MILR1: variants seen among roughly 807,000 people sequenced by gnomAD.
The protein encoded by MILR1 is allergin-1.
MILR1 carries 31 observed loss-of-function variants against 18.5 expected under a neutral mutation model. That is an observed-to-expected ratio of 1.68 (90% CI 1.26 to 2.26). The LOEUF (loss-of-function observed/expected upper bound fraction) is 2.26. MILR1 is among the 30% of genes most tolerant of loss of function. The probability of loss-of-function intolerance (pLI) is 0.00; values close to 1 mark genes in which losing one functional copy is unlikely to be tolerated. For missense variants in MILR1, 257 were observed against 157.4 expected, an observed-to-expected ratio of 1.63 and a Z score of -3.38; for synonymous variants, 85 against 56.2, an observed-to-expected ratio of 1.51 and a Z score of -2.30.
At chr17:64,488,647 C>T in the MILR1 span, among the ~76,000 whole-genome samples, 28,382 of 152,176 alleles carry the variant, frequency 0.19, 6,750 homozygotes, top group African/African-American at 0.56. Flanking sequence ...TGATAATAAC[C>T]AATAAGTTTC....
chr17:64,476,496 A>T, the MILR1 span, among the ~76,000 whole-genome samples: 1 of 152,166 alleles, frequency 6.6e-6, no homozygotes, highest in Admixed American at 6.6e-5. Flanking sequence ...CCTGGGCCAC[A>T]TAGTGAGACC....
chr17:64,491,520 A>G, the MILR1 span: 16 of 1,525,640 alleles, frequency 1.0e-5, no homozygotes, highest in Admixed American at 2.7e-4. Flanking sequence ...TAAAAAAACC[A>G]AGATGGAGTC....
In MILR1 at chr17:64,468,298, T is replaced by C. The variant is rs1211698738; in HGVS notation, c.*29-12T>C. The C allele has an allele frequency of 1.1e-5, 5 of 454,942 alleles. No homozygotes were observed. The highest frequency in any genetic ancestry group is 1.8e-5 in the Non-Finnish European group (4 of 226,452). 28.2% of individuals were successfully genotyped at this position (454,942 alleles called of 1,614,324 possible). Reference sequence around the variant, plus strand: ...TTATATTCTCTCTTGTCTCTCTCTTTTTTTTTTTGAGATGGAGTCTCACTC... The same window carrying C: ...TTATATTCTCTCTTGTCTCTCTCTTCTTTTTTTTGAGATGGAGTCTCACTC... On this transcript the variant is annotated splice_polypyrimidine_tract_variant and intron_variant, in intron 9 of 9. Coordinates refer to ENST00000619286, the MANE Select transcript of MILR1 (RefSeq NM_001085423.2).
chr17:64,484,780 A>G, the MILR1 span, among the ~76,000 whole-genome samples: 5 of 152,224 alleles, frequency 3.3e-5, no homozygotes, highest in African/African-American at 1.2e-4. Context: ...TGGTTATAGC[A>G]GGCTAAATGA....
chr17:64,477,762 T>TTA, the MILR1 span: 1 of 1,462,116 alleles, frequency 6.8e-7, no homozygotes, highest in Non-Finnish European at 9.1e-7. Flanking sequence ...GAAATAAATC[T>TTA]AAGTGAACAT....
chr17:64,493,523 C>T, the MILR1 span, among the ~76,000 whole-genome samples: 1 of 151,848 alleles, frequency 6.6e-6, no homozygotes. Context: ...CTCGCTCTGT[C>T]GCCCAGGCTG....
intron 4 of MILR1, 136 bp from the exon 5 acceptor site, chr17:64,460,686 T>A (rs933788715): frequency 3.6e-5 from 14 of 390,022 alleles, no homozygotes; most frequent in Non-Finnish European, 4.7e-5. Flanking sequence ...GTTTTAGATG[T>A]CATGACCATT....
At chr17:64,477,008 CAT>C in the MILR1 span, among the ~76,000 whole-genome samples, 3 of 152,058 alleles carry the variant, frequency 2.0e-5, no homozygotes, top group African/African-American at 2.4e-5. Context: ...TTCTTATAAA[CAT>C]AGATATTAGA....
intron 3 of MILR1, among the ~76,000 whole-genome samples, chr17:64,454,315 C>T (rs1445065019): frequency 5.9e-5 from 9 of 152,176 alleles, no homozygotes; most frequent in Non-Finnish European, 1.0e-4. Context: ...CAGCCTCAAA[C>T]TCCTGTTCTT....
At chr17:64,478,049 G>T in the MILR1 span, 1 of 1,554,588 alleles carries the variant, frequency 6.4e-7, no homozygotes, top group South Asian at 1.1e-5. Context: ...ATTCCTCCAC[G>T]TTGCCAGCTG....
intron 4 of MILR1, among the ~76,000 whole-genome samples, chr17:64,459,761 C>T (rs2037381147): frequency 6.6e-6 from 1 of 152,152 alleles, no homozygotes; most frequent in Non-Finnish European, 1.5e-5. Context: ...AGTGTCTGGC[C>T]TGCAGCTAAA....
the MILR1 span, chr17:64,490,960 T>G: frequency 6.2e-7 from 1 of 1,613,366 alleles, no homozygotes. Flanking sequence ...TTAGATGGAC[T>G]CATGGCAAAC....
the MILR1 span, chr17:64,484,053 A>AATGCCTCT: frequency 6.6e-6 from 1 of 152,218 alleles, no homozygotes; most frequent in Admixed American, 6.6e-5. Flanking sequence ...CAAACATTTT[A>AATGCCTCT]ATGCCTCTGA....
At chr17:64,489,033 T>C in the MILR1 span, among the ~76,000 whole-genome samples, 7 of 149,166 alleles carry the variant, frequency 4.7e-5, no homozygotes, top group Non-Finnish European at 1.1e-4. Flanking sequence ...TTTTTCTTTT[T>C]TTTTTTTTTT....
the MILR1 span, among the ~76,000 whole-genome samples, chr17:64,495,871 G>T: frequency 1.3e-5 from 2 of 152,008 alleles, no homozygotes; most frequent in Non-Finnish European, 2.9e-5. Flanking sequence ...GTCACGGCCG[G>T]CTAATTTTTG....
At chr17:64,455,458 A>G (rs2037270641) in intron 3 of MILR1, among the ~76,000 whole-genome samples, 1 of 151,826 alleles carries the variant, frequency 6.6e-6, no homozygotes. Flanking sequence ...CTCATCAAAA[A>G]AAAATTTTTT....
downstream of MILR1, among the ~76,000 whole-genome samples, chr17:64,472,897 G>A (rs1217137849): frequency 1.3e-5 from 2 of 152,178 alleles, no homozygotes; most frequent in Non-Finnish European, 2.9e-5. Context: ...TTAAGAGAAA[G>A]ACCAATAATC....
the MILR1 span, among the ~76,000 whole-genome samples, chr17:64,495,122 G>A: frequency 1.4e-5 from 2 of 145,338 alleles, no homozygotes; most frequent in Non-Finnish European, 3.0e-5. Flanking sequence ...AGCTTGCAGT[G>A]AGCCGAGATT....
chr17:64,459,281 A>G (rs2037369394), intron 4 of MILR1, among the ~76,000 whole-genome samples: 1 of 152,022 alleles, frequency 6.6e-6, no homozygotes, highest in African/African-American at 2.4e-5. Flanking sequence ...AGAAAATAAA[A>G]AAATTAGCCG....
Sources: gnomAD v4.1 joint callset for allele counts (sites outside exome capture counted in the v4.1 genomes callset) on GRCh38, gnomAD v4.1.1 for gene constraint, MANE v1.5 for transcripts, NCBI Gene and HGNC (gene_info 2026-07-23, HGNC 2026-07-21) for gene names.